UNC13C: variants seen among roughly 807,000 people sequenced by gnomAD.
UNC13C encodes protein unc-13 homolog C.
Under a neutral mutation model 245.4 loss-of-function variants are expected in UNC13C, and 174 were observed. That is an observed-to-expected ratio of 0.71 (90% CI 0.63 to 0.80). The LOEUF (loss-of-function observed/expected upper bound fraction) is 0.80, where lower values mean the gene tolerates loss of function less well. Among genes scored for constraint, UNC13C ranks in the 30% least tolerant of loss-of-function variants. The probability of loss-of-function intolerance (pLI) is 0.00; values close to 1 mark genes in which losing one functional copy is unlikely to be tolerated. For synonymous variants in UNC13C, 992 were observed against 895.1 expected, an observed-to-expected ratio of 1.11 and a Z score of -1.93; for missense variants, 2,829 against 2,602.9, an observed-to-expected ratio of 1.09 and a Z score of -1.89.
At position 54,013,457 on chromosome 15, in the gene UNC13C, G is replaced by A. The variant is rs1252959726; in HGVS notation, c.554G>A (p.Arg185Lys). The A allele has an allele frequency of 6.2e-7, 1 of 1,613,680 alleles. No individual in the cohort carries two copies. Among genetic ancestry groups the A allele is most frequent in the Non-Finnish European group, 8.5e-7 (1 of 1,179,830 alleles). ...AAACTGGGAGCTTTACGAAAACTGA[G>A]AAAATGGAAAAAGAGTCAAGAATGT... ...GLKLGALRKL[R>K]KWKKSQECVS... The change falls in exon 2 of 33, where the codon AGA becomes AAA. Residue 185 changes from arginine to lysine, a missense_variant. Coordinates refer to ENST00000260323, the MANE Select transcript of UNC13C (RefSeq NM_001080534.3).
At chr15:54,522,513 A>AC (rs1221198724) in intron 24 of UNC13C, among the ~76,000 whole-genome samples, 1 of 151,732 alleles carries the variant, frequency 6.6e-6, no homozygotes, top group Admixed American at 6.6e-5. Flanking sequence ...AACAACAACA[A>AC]AAAGTCTTGC....
intron 19 of UNC13C, among the ~76,000 whole-genome samples, chr15:54,438,081 T>C (rs751494795): frequency 4.0e-5 from 6 of 151,844 alleles, no homozygotes; most frequent in Non-Finnish European, 8.8e-5. Flanking sequence ...TACAACATAT[T>C]TGGTGAGGTT....
intron 2 of UNC13C, among the ~76,000 whole-genome samples, chr15:54,021,358 C>T (rs903796492): frequency 2.0e-5 from 3 of 152,180 alleles, no homozygotes; most frequent in Non-Finnish European, 4.4e-5. Flanking sequence ...CTACCCCAAC[C>T]CTTAGCCTCA....
rs374741506 is a variant in UNC13C, at chr15:54,257,205, C to T, written c.3448+6761C>T. ...ATGTGATACAAAGAAAAATATCTTC[C>T]TCCTGCCATCACTCTCTTGGTTTCT... is the stretch of plus-strand genomic sequence containing the variant. On this transcript the variant is annotated intron_variant, in intron 8 of 32. Coordinates refer to ENST00000260323, the MANE Select transcript of UNC13C (RefSeq NM_001080534.3). Among the ~76,000 whole-genome samples the T allele has an allele frequency of 1.1e-4, 16 of 152,228 alleles. 1 individual carries two copies. Among genetic ancestry groups the T allele is most frequent in the Admixed American group, 7.9e-4 (12 of 15,284 alleles).
At chr15:53,921,533 C>T in the UNC13C span, among the ~76,000 whole-genome samples, 30 of 152,146 alleles carry the variant, frequency 2.0e-4, no homozygotes, top group African/African-American at 5.8e-4. Context: ...AGTCAAATTG[C>T]GTAAGCATCT....
chr15:54,452,910 C>A (rs937560284), intron 19 of UNC13C, among the ~76,000 whole-genome samples: 29 of 152,256 alleles, frequency 1.9e-4, no homozygotes, highest in Admixed American at 3.9e-4. Context: ...ACATTTAGCC[C>A]AGGTGGCAGT....
intron 19 of UNC13C, among the ~76,000 whole-genome samples, chr15:54,417,677 T>C (rs2040550484): frequency 6.6e-6 from 1 of 152,142 alleles, no homozygotes. Context: ...TAGTGACATT[T>C]TCAATTATAT....
intron 30 of UNC13C, among the ~76,000 whole-genome samples, chr15:54,608,974 C>A (rs768663184): frequency 6.6e-6 from 1 of 152,138 alleles, no homozygotes; most frequent in Non-Finnish European, 1.5e-5. Context: ...GTGGCTGCTT[C>A]AAAGTGATGG....
At chr15:54,078,726 C>T (rs1332058051) in intron 2 of UNC13C, among the ~76,000 whole-genome samples, 1 of 151,866 alleles carries the variant, frequency 6.6e-6, no homozygotes, top group Admixed American at 6.6e-5. Flanking sequence ...GATGTTAGTC[C>T]TCTGTTGAGT....
chr15:54,485,503 C>A (rs1893357867), intron 19 of UNC13C, among the ~76,000 whole-genome samples: 1 of 152,250 alleles, frequency 6.6e-6, no homozygotes, highest in East Asian at 1.9e-4. Flanking sequence ...CCTTGTTCTA[C>A]TGCAGTAGCC....
At chr15:54,321,334 T>C (rs2140979045) in intron 13 of UNC13C, 2 of 472,192 alleles carry the variant, frequency 4.2e-6, no homozygotes, top group Non-Finnish European at 8.3e-6. Context: ...TGTCCTTCAA[T>C]GTCTTCTTTA....
intron 7 of UNC13C, among the ~76,000 whole-genome samples, chr15:54,241,950 C>G (rs916096177): frequency 1.8e-4 from 27 of 152,206 alleles, no homozygotes; most frequent in African/African-American, 6.0e-4. Flanking sequence ...TCTTCATAAG[C>G]ACGGACTTTG....
upstream of UNC13C, among the ~76,000 whole-genome samples, chr15:53,976,247 C>G (rs1015102743): frequency 6.6e-6 from 1 of 152,090 alleles, no homozygotes; most frequent in Non-Finnish European, 1.5e-5. Context: ...AAATATATGA[C>G]CAGAATCCTG....
chr15:54,568,485 C>T (rs62023984), intron 30 of UNC13C, among the ~76,000 whole-genome samples: 7,810 of 152,106 alleles, frequency 0.051, 348 homozygotes, highest in Admixed American at 0.13. Flanking sequence ...ATCTTTGAAA[C>T]TCAGATATGT....
rs2616909 is a variant in UNC13C, at chr15:53,984,459, T to C, written c.-257+5532T>C. On this transcript the variant is annotated intron_variant, in intron 1 of 32. Coordinates refer to ENST00000260323, the MANE Select transcript of UNC13C (RefSeq NM_001080534.3). ...CATGTTACTTTTTAAAAGCCTTAGC[T>C]AGAGAATAAATCCCTTAAGTACAGT... 7.6e-3 allele frequency among the ~76,000 whole-genome samples: 1,150 copies of C among 152,266 alleles called. 21 individuals carry two copies. Among genetic ancestry groups the C allele is most frequent in the African/African-American group, 0.026 (1,077 of 41,558 alleles).
At chr15:53,995,713 T>C (rs1277208379) in intron 1 of UNC13C, among the ~76,000 whole-genome samples, 5 of 152,002 alleles carry the variant, frequency 3.3e-5, no homozygotes, top group South Asian at 2.1e-4. Context: ...TGGAAGTAAA[T>C]AGACTGATTT....
intron 1 of UNC13C, among the ~76,000 whole-genome samples, chr15:54,000,676 G>A (rs899217438): frequency 3.9e-5 from 6 of 152,112 alleles, no homozygotes; most frequent in African/African-American, 1.2e-4. Flanking sequence ...TTTGGCATTA[G>A]AGTGAATTTA....
At position 53,978,456 on chromosome 15, in the gene UNC13C, G is replaced by T. The variant is rs1035295117; in HGVS notation, c.-728G>T. Among the ~76,000 whole-genome samples the T allele has an allele frequency of 6.6e-6, 1 of 152,152 alleles. No homozygotes were observed. Among genetic ancestry groups the T allele is most frequent in the Non-Finnish European group, 1.5e-5 (1 of 68,020 alleles). On this transcript the variant is annotated 5_prime_UTR_variant, in exon 1 of 33. Coordinates refer to ENST00000260323, the MANE Select transcript of UNC13C (RefSeq NM_001080534.3). ...TGCTGCATTCAGAAAAGACTCAGCC[G>T]CAGCCGGCGATGTGTGAAGTTCCCA...
chr15:54,179,967 GAAAAT>G (rs143122852), intron 4 of UNC13C, among the ~76,000 whole-genome samples: 6 of 152,120 alleles, frequency 3.9e-5, no homozygotes, highest in African/African-American at 7.2e-5. Flanking sequence ...AAAGACAAGA[GAAAAT>G]AAAATGATAT....
Sources: gnomAD v4.1 joint callset for allele counts (sites outside exome capture counted in the v4.1 genomes callset) on GRCh38, gnomAD v4.1.1 for gene constraint, MANE v1.5 for transcripts, NCBI Gene and HGNC (gene_info 2026-07-23, HGNC 2026-07-21) for gene names.